Variants in RAB27B observed in about 807,000 individuals in gnomAD.
The protein encoded by RAB27B is RAB27B, member RAS oncogene family.
In RAB27B, 15 loss-of-function variants were observed where a neutral mutation model predicts 24.6. That is an observed-to-expected ratio of 0.61 (90% confidence interval 0.41 to 0.94). The LOEUF is 0.94. Ranked by LOEUF, RAB27B falls within the 40% of genes least tolerant of loss-of-function variation. RAB27B has a pLI of 0.00. For missense variants in RAB27B, 261 were observed against 266.8 expected, an observed-to-expected ratio of 0.98 and a Z score of 0.15; for synonymous variants, 105 against 92.5, an observed-to-expected ratio of 1.14 and a Z score of -0.78.
chr18:54,790,728 A>T (rs139687768), intron 2 of RAB27B, among the ~76,000 whole-genome samples: 2 of 152,336 alleles, frequency 1.3e-5, no homozygotes, highest in East Asian at 3.9e-4. Context: ...TAGAAAGCAT[A>T]TGAGAATTTA....
chr18:54,760,143 A>C (rs1228906699), intron 2 of RAB27B, among the ~76,000 whole-genome samples: 2 of 152,156 alleles, frequency 1.3e-5, no homozygotes, highest in Non-Finnish European at 2.9e-5. Flanking sequence ...GGCCACACAA[A>C]GTTCTACTCC....
intron 1 of RAB27B, among the ~76,000 whole-genome samples, chr18:54,843,943 C>T (rs1163805211): frequency 6.6e-6 from 1 of 151,940 alleles, no homozygotes; most frequent in Non-Finnish European, 1.5e-5. Flanking sequence ...GACCACAGTC[C>T]AAACAAAGGA....
chr18:54,834,224 G>A (rs185778659), intron 1 of RAB27B, among the ~76,000 whole-genome samples: 128 of 152,246 alleles, frequency 8.4e-4, no homozygotes, highest in Middle Eastern at 3.4e-3. Context: ...CAGGAAAAAC[G>A]TTTCTAGGTA....
At chr18:54,765,130 A>G (rs549800905) in intron 2 of RAB27B, among the ~76,000 whole-genome samples, 1 of 152,186 alleles carries the variant, frequency 6.6e-6, no homozygotes, top group African/African-American at 2.4e-5. Context: ...AGAAAACCAC[A>G]TGACTTTGGG....
Position 54,871,233 on chromosome 18 carries a change from C to T in RAB27B, c.-19-6334C>T, listed in dbSNP as rs140977332. ...ACACTAAAGAAGCTTCCCCTTCCCT[C>T]AGAAACGTGCCTTCTGTTCTCTTGG... On this transcript the variant is annotated intron_variant, in intron 1 of 5. Transcript: ENST00000262094. Among the ~76,000 whole-genome samples, 311 of 152,292 alleles carry T rather than the reference C, an allele frequency of 2.0e-3. 1 individual carries two copies. Among genetic ancestry groups the T allele is most frequent in the African/African-American group, 7.1e-3 (296 of 41,560 alleles).
chr18:54,889,441 A>C lies in RAB27B; in HGVS notation c.*28A>C. On this transcript the variant is annotated 3_prime_UTR_variant, in exon 6 of 6. Transcript: ENST00000262094. The stretch of plus-strand genomic sequence containing the variant: ...TCTACATAGAAACTGAACATCAAGA[A>C]CCCCACCAAAATATTACTTTTAAAA... 1 of 1,568,106 alleles carries C rather than the reference A, an allele frequency of 6.4e-7. No homozygotes were observed. The highest frequency in any genetic ancestry group is 1.2e-5 in the South Asian group (1 of 83,708).
chr18:54,750,834 G>A (rs1024893961), intron 2 of RAB27B, among the ~76,000 whole-genome samples: 7 of 152,292 alleles, frequency 4.6e-5, no homozygotes, highest in African/African-American at 1.2e-4. Context: ...CCATTTTCTG[G>A]AAGAGAATGT....
chr18:54,737,043 A>T (rs925490252), intron 2 of RAB27B, among the ~76,000 whole-genome samples: 20 of 152,204 alleles, frequency 1.3e-4, no homozygotes, highest in African/African-American at 4.8e-4. Flanking sequence ...ATCAAATTGC[A>T]ACAGAAGACT....
chr18:54,873,292 T>C (rs527287369), intron 1 of RAB27B, among the ~76,000 whole-genome samples: 6 of 152,314 alleles, frequency 3.9e-5, no homozygotes, highest in African/African-American at 1.2e-4. Context: ...CTACTCTTTT[T>C]AGCCCCTTGC....
At chr18:54,722,897 C>A (rs1373232713) in intron 2 of RAB27B, among the ~76,000 whole-genome samples, 1 of 152,148 alleles carries the variant, frequency 6.6e-6, no homozygotes, top group Non-Finnish European at 1.5e-5. Context: ...GAAAACCTTC[C>A]TCCTGGAGTC....
At chr18:54,761,283 A>T (rs1908181143) in intron 2 of RAB27B, among the ~76,000 whole-genome samples, 2 of 152,140 alleles carry the variant, frequency 1.3e-5, no homozygotes, top group Non-Finnish European at 2.9e-5. Flanking sequence ...TCCTTCCCTA[A>T]AAAGAAATAT....
At chr18:54,762,307 A>G (rs961855735) in intron 2 of RAB27B, among the ~76,000 whole-genome samples, 1 of 152,170 alleles carries the variant, frequency 6.6e-6, no homozygotes. Flanking sequence ...ATCCTGCCTC[A>G]GCCTCCTGAG....
chr18:54,848,544 A>G (rs1033916854), intron 1 of RAB27B, among the ~76,000 whole-genome samples: 1 of 152,214 alleles, frequency 6.6e-6, no homozygotes, highest in African/African-American at 2.4e-5. Flanking sequence ...AAAGATATAA[A>G]CCATTCAGTT....
chr18:54,755,855 A>T (rs539701308), intron 2 of RAB27B, among the ~76,000 whole-genome samples: 2 of 152,356 alleles, frequency 1.3e-5, no homozygotes, highest in South Asian at 4.1e-4. Context: ...TGATCTTATT[A>T]AACTATTGCA....
intron 2 of RAB27B, among the ~76,000 whole-genome samples, chr18:54,752,574 G>A (rs1907868104): frequency 6.6e-6 from 1 of 152,196 alleles, no homozygotes; most frequent in Non-Finnish European, 1.5e-5. Flanking sequence ...AAACAGCAGA[G>A]TCCTAAGAAA....
At chr18:54,767,601 C>T (rs1004626516) in intron 2 of RAB27B, among the ~76,000 whole-genome samples, 4 of 152,068 alleles carry the variant, frequency 2.6e-5, no homozygotes, top group South Asian at 2.1e-4. Flanking sequence ...AGATGATGAT[C>T]GTGAATAATA....
At chr18:54,872,462 C>A (rs927587194) in intron 1 of RAB27B, among the ~76,000 whole-genome samples, 1 of 151,496 alleles carries the variant, frequency 6.6e-6, no homozygotes, top group Admixed American at 6.6e-5. Flanking sequence ...CCCATCTCTA[C>A]CAAAAATACA....
chr18:54,887,942 T>A, intron 4 of RAB27B, 53 bp from the exon 5 acceptor site: 1 of 1,581,248 alleles, frequency 6.3e-7, no homozygotes, highest in Non-Finnish European at 8.6e-7. Flanking sequence ...AGCAGTCATT[T>A]GACATCACTT....
intron 2 of RAB27B, among the ~76,000 whole-genome samples, chr18:54,820,995 T>C (rs1341975638): frequency 6.6e-6 from 1 of 152,174 alleles, no homozygotes; most frequent in Non-Finnish European, 1.5e-5. Context: ...TTGGTACAAG[T>C]ACCATGCTGT....
Sources: gnomAD v4.1 joint callset for allele counts (sites outside exome capture counted in the v4.1 genomes callset) on GRCh38, gnomAD v4.1.1 for gene constraint, MANE v1.5 for transcripts, NCBI Gene and HGNC (gene_info 2026-07-23, HGNC 2026-07-21) for gene names.